Variants in CENPW observed in about 807,000 individuals in gnomAD.
CENPW encodes centromere protein W.
In CENPW, 3 loss-of-function variants were observed where a neutral mutation model predicts 11.1. The observed-to-expected ratio is 0.27, with a 90% confidence interval of 0.12 to 0.70. The LOEUF (loss-of-function observed/expected upper bound fraction) is 0.70. Ranked by LOEUF, CENPW falls within the 30% of genes least tolerant of loss-of-function variation. The pLI is 0.77. For missense variants in CENPW, 100 were observed against 105.6 expected, an observed-to-expected ratio of 0.95 and a Z score of 0.23; for synonymous variants, 38 against 42.0, an observed-to-expected ratio of 0.91 and a Z score of 0.37.
chr6:126,352,154 A>G (rs1780498769), downstream of CENPW, among the ~76,000 whole-genome samples: 1 of 152,072 alleles, frequency 6.6e-6, no homozygotes, highest in Admixed American at 6.6e-5. Flanking sequence ...ATAAAGCTTT[A>G]TTGGAACACA....
the CENPW span, among the ~76,000 whole-genome samples, chr6:126,382,244 T>A: frequency 0.49 from 73,746 of 150,442 alleles, 19,002 homozygotes; most frequent in East Asian, 0.97. Flanking sequence ...TCAAAAAAAA[T>A]ATATATATAT....
the CENPW span, among the ~76,000 whole-genome samples, chr6:126,428,196 T>C: frequency 1.3e-5 from 2 of 152,224 alleles, no homozygotes; most frequent in African/African-American, 4.8e-5. Context: ...ATTACACATG[T>C]ATCTTGACAT....
Position 126,340,165 on chromosome 6 carries a change from A to G in CENPW, c.-109A>G, listed in dbSNP as rs1454813604. 2.0e-6 allele frequency: 2 copies of G among 1,017,736 alleles called. No homozygotes were observed. Among genetic ancestry groups the G allele is most frequent in the Non-Finnish European group, 3.0e-6 (2 of 676,064 alleles). The allele number at this position is 1,017,736 out of a possible 1,614,324, so 63.0% of individuals were successfully genotyped here. On this transcript the variant is annotated 5_prime_UTR_variant, in exon 1 of 3. Coordinates refer to ENST00000368328, the MANE Select transcript of CENPW (RefSeq NM_001012507.4). ...TTCGGACTGAGGTTTTTCTGCCTGAAGAAGCGTCATACGGACCGGATTGTT... is the reference window on the plus strand; with the variant it reads ...TTCGGACTGAGGTTTTTCTGCCTGAGGAAGCGTCATACGGACCGGATTGTT...
At chr6:126,428,308 TCATTAAAAAATA>T in the CENPW span, among the ~76,000 whole-genome samples, 1 of 152,188 alleles carries the variant, frequency 6.6e-6, no homozygotes, top group Non-Finnish European at 1.5e-5. Flanking sequence ...TGTTTAAATA[TCATTAAAAAATA>T]CATTGACTAT....
At chr6:126,385,162 T>C in the CENPW span, among the ~76,000 whole-genome samples, 1 of 152,166 alleles carries the variant, frequency 6.6e-6, no homozygotes, top group South Asian at 2.1e-4. Context: ...CTGATGGGAA[T>C]GTAAATTAGT....
the CENPW span, among the ~76,000 whole-genome samples, chr6:126,389,515 GAATACTAGTTTAC>G: frequency 6.6e-6 from 1 of 151,754 alleles, no homozygotes; most frequent in Non-Finnish European, 1.5e-5. Context: ...TCCAGCCTGT[GAATACTAGTTTAC>G]ATTGTCAGGG....
chr6:126,390,982 A>G, the CENPW span, among the ~76,000 whole-genome samples: 64 of 151,910 alleles, frequency 4.2e-4, no homozygotes, highest in African/African-American at 1.5e-3. Context: ...CTTTGGGGGT[A>G]TATACCTAGC....
At chr6:126,411,223 GTC>G in the CENPW span, among the ~76,000 whole-genome samples, 9 of 152,202 alleles carry the variant, frequency 5.9e-5, no homozygotes, top group Non-Finnish European at 8.8e-5. Context: ...CAGTGATGTA[GTC>G]TCTGCAGATT....
chr6:126,373,870 T>A, the CENPW span, among the ~76,000 whole-genome samples: 1 of 152,170 alleles, frequency 6.6e-6, no homozygotes, highest in Non-Finnish European at 1.5e-5. Flanking sequence ...AAGCTCCACC[T>A]CTTGATGTGA....
the CENPW span, among the ~76,000 whole-genome samples, chr6:126,378,188 G>A: frequency 7.2e-5 from 11 of 152,238 alleles, no homozygotes; most frequent in African/African-American, 2.4e-4. Context: ...AATAAGTGGT[G>A]TTATTTCTAG....
the CENPW span, among the ~76,000 whole-genome samples, chr6:126,354,494 A>G: frequency 7.8e-4 from 119 of 152,298 alleles, no homozygotes; most frequent in African/African-American, 2.6e-3. Flanking sequence ...TTGTACCAAC[A>G]TAATATCTAC....
the CENPW span, among the ~76,000 whole-genome samples, chr6:126,482,299 C>T: frequency 6.6e-6 from 1 of 151,932 alleles, no homozygotes; most frequent in African/African-American, 2.4e-5. Flanking sequence ...TACAATTTTC[C>T]TTCCAGCAAG....
chr6:126,368,175 G>A, the CENPW span, among the ~76,000 whole-genome samples: 1 of 152,198 alleles, frequency 6.6e-6, no homozygotes, highest in Admixed American at 6.5e-5. Context: ...GCATATCCAG[G>A]TATCACCTTT....
the CENPW span, among the ~76,000 whole-genome samples, chr6:126,356,369 T>C: frequency 2.6e-5 from 4 of 152,260 alleles, no homozygotes; most frequent in African/African-American, 9.6e-5. Flanking sequence ...AGGTTTTTCT[T>C]TGGGAAAGAT....
At chr6:126,436,479 T>C in the CENPW span, among the ~76,000 whole-genome samples, 1 of 151,818 alleles carries the variant, frequency 6.6e-6, no homozygotes, top group Non-Finnish European at 1.5e-5. Context: ...TACTTATTAA[T>C]ATCATCCAGA....
the CENPW span, among the ~76,000 whole-genome samples, chr6:126,424,814 A>G: frequency 1.3e-5 from 2 of 152,120 alleles, no homozygotes; most frequent in Admixed American, 1.3e-4. Context: ...AATCATTATC[A>G]GAGTCTGCAG....
chr6:126,380,979 A>C, the CENPW span, among the ~76,000 whole-genome samples: 1 of 152,120 alleles, frequency 6.6e-6, no homozygotes, highest in Non-Finnish European at 1.5e-5. Flanking sequence ...AACCCTGCTA[A>C]GACAGTTTGG....
chr6:126,449,535 CAA>C, the CENPW span, among the ~76,000 whole-genome samples: 1 of 151,018 alleles, frequency 6.6e-6, no homozygotes, highest in Admixed American at 6.6e-5. Context: ...ACTCAGAGCT[CAA>C]ATCTTAAGAA....
the CENPW span, among the ~76,000 whole-genome samples, chr6:126,467,033 T>C: frequency 6.6e-6 from 1 of 152,140 alleles, no homozygotes; most frequent in Admixed American, 6.6e-5. Context: ...GCTCATGAAT[T>C]AGAAGAATTA....
Sources: gnomAD v4.1 joint callset for allele counts (sites outside exome capture counted in the v4.1 genomes callset) on GRCh38, gnomAD v4.1.1 for gene constraint, MANE v1.5 for transcripts, NCBI Gene and HGNC (gene_info 2026-07-23, HGNC 2026-07-21) for gene names.